Variants in DOCK1 observed in about 807,000 individuals in gnomAD.
DOCK1 encodes dedicator of cytokinesis 1, also known as dedicator of cytokinesis protein 1.
In DOCK1, 138 loss-of-function variants were observed where a neutral mutation model predicts 262.7. That is an observed-to-expected ratio of 0.53 (90% confidence interval 0.46 to 0.61). The LOEUF (loss-of-function observed/expected upper bound fraction) is 0.61. Among genes scored for constraint, DOCK1 ranks in the 20% least tolerant of loss-of-function variants. The probability of loss-of-function intolerance (pLI) is 0.00; values close to 1 mark genes in which losing one functional copy is unlikely to be tolerated. For missense variants in DOCK1, 1,908 were observed against 2,370.7 expected (o/e 0.80, Z 4.05); for synonymous variants, 866 against 867.4 (o/e 1.00, Z 0.03).
intron 27 of DOCK1, among the ~76,000 whole-genome samples, chr10:127,167,962 C>T (rs1423931484): frequency 6.6e-6 from 1 of 152,208 alleles, no homozygotes; most frequent in Non-Finnish European, 1.5e-5. Context: ...AAGGTAGTAA[C>T]TTACTGAGTG....
intron 29 of DOCK1, among the ~76,000 whole-genome samples, chr10:127,258,912 CA>C (rs1368787717): frequency 6.6e-6 from 1 of 152,210 alleles, no homozygotes; most frequent in African/African-American, 2.4e-5. Context: ...TTCCCTTCGA[CA>C]AATCCAAAGC....
chr10:127,353,561 G>A (rs930354229), intron 31 of DOCK1, among the ~76,000 whole-genome samples: 11 of 152,198 alleles, frequency 7.2e-5, no homozygotes, highest in Non-Finnish European at 5.9e-5. Context: ...CCTTAACCGA[G>A]TCTGCCTGCA....
chr10:126,951,273 T>C (rs1178970982), intron 1 of DOCK1, among the ~76,000 whole-genome samples: 2 of 151,530 alleles, frequency 1.3e-5, no homozygotes, highest in Non-Finnish European at 2.9e-5. Context: ...GTGGTGGTAG[T>C]ATTGTTGGTA....
At chr10:127,226,306 A>G (rs966697779) in intron 27 of DOCK1, among the ~76,000 whole-genome samples, 2 of 152,126 alleles carry the variant, frequency 1.3e-5, no homozygotes, top group African/African-American at 4.8e-5. Flanking sequence ...ATCTACAGGT[A>G]TTTCTTGGCG....
At chr10:127,374,019 C>T in intron 34 of DOCK1, 39 bp from the exon 35 acceptor site, 1 of 1,571,300 alleles carries the variant, frequency 6.4e-7, no homozygotes, top group Admixed American at 1.9e-5. Flanking sequence ...GTTTCTTTTT[C>T]TGAGTGTGAT....
At chr10:127,122,014 A>C (rs982819629) in intron 25 of DOCK1, among the ~76,000 whole-genome samples, 9 of 152,356 alleles carry the variant, frequency 5.9e-5, no homozygotes, top group Middle Eastern at 6.8e-3. Context: ...ATTGCATATC[A>C]GCAAGGAGGA....
chr10:127,352,203 G>A lies in DOCK1; in HGVS notation c.3225-2466G>A, dbSNP rs2386834. 8.7e-5 allele frequency among the ~76,000 whole-genome samples: 10 copies of A among 115,278 alleles called. No individual in the cohort carries two copies. In the Middle Eastern group the frequency reaches 0.014, roughly 166 times the overall value. 75.6% of individuals were successfully genotyped at this position (115,278 alleles called of 152,430 possible). On this transcript the variant is annotated intron_variant, in intron 31 of 51. Coordinates refer to ENST00000623213, the MANE Select transcript of DOCK1 (RefSeq NM_001290223.2). The stretch of plus-strand genomic sequence containing the variant: ...GGAGGGGTGGGGAGGAGCAGCATCC[G>A]GGAGAGGTGGGGAGCATCGGGGAGG...
rs781301926 is a variant in DOCK1, at chr10:127,153,895, C to T, written c.2847+26131C>T. On this transcript the variant is annotated intron_variant, in intron 27 of 51. Coordinates refer to ENST00000623213, the MANE Select transcript of DOCK1 (RefSeq NM_001290223.2). ...CTGTTCCTGCATGTGTCACAATTAG[C>T]TGTGTCTTGCCCCGTCCGATATGAA... 4 of 1,613,974 alleles carry T rather than the reference C, an allele frequency of 2.5e-6. No homozygotes were observed. The South Asian group carries it at 3.3e-5, about 13-fold the overall frequency.
rs192873073 is a variant in DOCK1 at position 127,012,546 on chromosome 10, T to C, written c.1201+172T>C. On this transcript the variant is annotated intron_variant, in intron 12 of 51. Coordinates refer to ENST00000623213, the MANE Select transcript of DOCK1 (RefSeq NM_001290223.2). The surrounding 1 kb of genome is among the most constrained non-coding windows in gnomAD (Gnocchi z 4.0). ...AGTTGCCCCTGTGTACAGTGCATGA[T>C]GGTTTTCTTGCCCGTCACCTTTGTG... Among the ~76,000 whole-genome samples the C allele has an allele frequency of 2.3e-3, 345 of 152,268 alleles. No homozygotes were observed. Among genetic ancestry groups the C allele is most frequent in the African/African-American group, 7.9e-3 (330 of 41,552 alleles).
intron 29 of DOCK1, among the ~76,000 whole-genome samples, chr10:127,275,915 C>T (rs1564957903): frequency 6.6e-6 from 1 of 152,222 alleles, no homozygotes; most frequent in Admixed American, 6.5e-5. Flanking sequence ...TTTCACCTTT[C>T]ACCAATTTCC....
chr10:127,148,373 C>T (rs1303174008), intron 27 of DOCK1, among the ~76,000 whole-genome samples: 1 of 152,216 alleles, frequency 6.6e-6, no homozygotes, highest in Non-Finnish European at 1.5e-5. Flanking sequence ...ATTCTAAATT[C>T]TGGGAGAGAT....
chr10:126,956,371 C>T (rs1263018023), intron 1 of DOCK1, among the ~76,000 whole-genome samples: 4 of 152,168 alleles, frequency 2.6e-5, no homozygotes, highest in African/African-American at 9.7e-5. Flanking sequence ...TGTGCTAAGG[C>T]CTACAGCCTA....
intron 46 of DOCK1, among the ~76,000 whole-genome samples, chr10:127,421,251 CTCT>C (rs2068489415): frequency 6.6e-6 from 1 of 152,082 alleles, no homozygotes; most frequent in African/African-American, 2.4e-5. Flanking sequence ...CCAGCAGGGC[CTCT>C]TCTTAGTGGC....
At chr10:126,930,860 T>C (rs1473603981) in intron 1 of DOCK1, among the ~76,000 whole-genome samples, 1 of 152,168 alleles carries the variant, frequency 6.6e-6, no homozygotes, top group Non-Finnish European at 1.5e-5. Flanking sequence ...ACTGGGTTTT[T>C]GGCTATTTGG....
chr10:127,095,887 T>A (rs1437887127), intron 23 of DOCK1, among the ~76,000 whole-genome samples: 1 of 152,072 alleles, frequency 6.6e-6, no homozygotes, highest in African/African-American at 2.4e-5. Flanking sequence ...TGTACTTTTT[T>A]CAGTTTGGGC....
In DOCK1 at chr10:127,037,695, C is replaced by A. The variant is rs762891200; in HGVS notation, c.1913-24C>A. ...AACAGAGTTTCTTGCTTGTGAAGAT[C>A]TGATTGTCATTTTCTGTTTCCAGTG... On this transcript the variant is annotated intron_variant, in intron 18 of 51. Coordinates refer to ENST00000623213, the MANE Select transcript of DOCK1 (RefSeq NM_001290223.2). The A allele has an allele frequency of 1.6e-4, 252 of 1,554,252 alleles. 1 individual carries two copies. The highest frequency in any genetic ancestry group is 1.8e-4 in the Non-Finnish European group (212 of 1,147,680).
intron 48 of DOCK1, among the ~76,000 whole-genome samples, chr10:127,436,407 A>G (rs941379953): frequency 1.7e-4 from 26 of 152,088 alleles, no homozygotes; most frequent in Admixed American, 3.3e-4. Flanking sequence ...AGTCTCAGCT[A>G]CCTGGGAGGC....
intron 29 of DOCK1, among the ~76,000 whole-genome samples, chr10:127,299,462 C>A (rs149744097): frequency 3.3e-5 from 5 of 152,286 alleles, no homozygotes; most frequent in African/African-American, 1.2e-4. Context: ...AAGACACAGA[C>A]ACACAGGAAA....
At chr10:127,426,383 G>T (rs547369438) in intron 47 of DOCK1, among the ~76,000 whole-genome samples, 1 of 152,170 alleles carries the variant, frequency 6.6e-6, no homozygotes, top group Non-Finnish European at 1.5e-5. Context: ...CAGAGGGTTC[G>T]GTCATCCACA....
Sources: gnomAD v4.1 joint callset for allele counts (sites outside exome capture counted in the v4.1 genomes callset) on GRCh38, gnomAD v4.1.1 for gene constraint, Gnocchi (gnomAD v3.1) non-coding constraint, MANE v1.5 for transcripts, NCBI Gene and HGNC (gene_info 2026-07-23, HGNC 2026-07-21) for gene names.